The following ZNRF2 variants were observed in gnomAD, a reference collection of about 807,000 sequenced individuals.
ZNRF2 encodes E3 ubiquitin-protein ligase ZNRF2.
In ZNRF2, 16 loss-of-function variants were observed where a neutral mutation model predicts 20.4. The observed-to-expected ratio is 0.79, with a 90% confidence interval of 0.53 to 1.19. The LOEUF (loss-of-function observed/expected upper bound fraction) is 1.19. Among genes scored for constraint, ZNRF2 ranks in the 50% most tolerant of loss-of-function variants. The probability of loss-of-function intolerance (pLI) is 0.00; values close to 1 mark genes in which losing one functional copy is unlikely to be tolerated. For synonymous variants in ZNRF2, 178 were observed against 144.9 expected (o/e 1.23, Z -1.64); for missense variants, 363 against 332.4 (o/e 1.09, Z -0.72).
At chr7:30,316,092 CA>C (rs1799369438) in intron 1 of ZNRF2, among the ~76,000 whole-genome samples, 1 of 151,498 alleles carries the variant, frequency 6.6e-6, no homozygotes, top group African/African-American at 2.4e-5. Context: ...AGTTGGAGAC[CA>C]GCCTGACCAA....
chr7:30,355,784 C>G lies in ZNRF2; in HGVS notation c.622C>G (p.Gln208Glu), dbSNP rs745627656. 6.2e-7 allele frequency: 1 copy of G among 1,613,486 alleles called. No individual in the cohort carries two copies. Among genetic ancestry groups the G allele is most frequent in the South Asian group, 1.1e-5 (1 of 91,022 alleles). The change falls in exon 3 of 5, where the codon CAG becomes GAG. Residue 208 changes from glutamine to glutamate, a missense_variant. Gln to Glu is a conservative substitution (Grantham distance 29). Coordinates refer to ENST00000323037, the MANE Select transcript of ZNRF2 (RefSeq NM_147128.4). ...TGCAATATGCCTTGAAGAATTGCAGCAGGGAGATACTATAGCACGACTGCC... is the reference window on the plus strand; with the variant it reads ...TGCAATATGCCTTGAAGAATTGCAGGAGGGAGATACTATAGCACGACTGCC... ...ECAICLEELQ[Q>E]GDTIARLPCL...
Position 30,304,221 on chromosome 7 carries a change from C to T in ZNRF2, c.469+18395C>T, listed in dbSNP as rs1799164578. On this transcript the variant is annotated intron_variant, in intron 1 of 4. Coordinates refer to ENST00000323037, the MANE Select transcript of ZNRF2 (RefSeq NM_147128.4). ...AAGCAGCTATAGCTTCTTGCCAGCT[C>T]ATTCATGTTTTTTAAGATTAAAAAA... is the stretch of plus-strand genomic sequence containing the variant. Among the ~76,000 whole-genome samples, 6 of 152,108 alleles carry T rather than the reference C, an allele frequency of 3.9e-5. No individual in the cohort carries two copies. The South Asian group carries it at 1.2e-3, about 32-fold the overall frequency.
intron 1 of ZNRF2, among the ~76,000 whole-genome samples, chr7:30,298,058 T>C (rs1195088766): frequency 6.6e-6 from 1 of 152,108 alleles, no homozygotes; most frequent in Non-Finnish European, 1.5e-5. Flanking sequence ...AACTCTTTTG[T>C]CAATTTTTAT....
chr7:30,306,399 A>G (rs987834870), intron 1 of ZNRF2, among the ~76,000 whole-genome samples: 18 of 152,192 alleles, frequency 1.2e-4, no homozygotes, highest in African/African-American at 3.4e-4. Flanking sequence ...TAAGTAAAGC[A>G]TTACATAAAA....
chr7:30,308,768 T>A (rs1020450553), intron 1 of ZNRF2, among the ~76,000 whole-genome samples: 1 of 152,212 alleles, frequency 6.6e-6, no homozygotes, highest in African/African-American at 2.4e-5. Context: ...TTTATTTTTT[T>A]AAATTAGAAT....
intron 1 of ZNRF2, among the ~76,000 whole-genome samples, chr7:30,302,275 G>A (rs543277869): frequency 6.6e-6 from 1 of 152,174 alleles, no homozygotes; most frequent in East Asian, 1.9e-4. Context: ...TTGTATTTTC[G>A]CTGGCTTAAA....
intron 2 of ZNRF2, among the ~76,000 whole-genome samples, chr7:30,345,591 A>G (rs1228027414): frequency 6.6e-6 from 1 of 151,642 alleles, no homozygotes; most frequent in Non-Finnish European, 1.5e-5. Flanking sequence ...TTTCTGGATC[A>G]AGTTGCTTTC....
At chr7:30,312,965 T>G (rs1308838076) in intron 1 of ZNRF2, among the ~76,000 whole-genome samples, 1 of 152,212 alleles carries the variant, frequency 6.6e-6, no homozygotes, top group Admixed American at 6.5e-5. Context: ...AGGAGAGGAA[T>G]AATTTATATA....
At chr7:30,315,417 G>C (rs1799354280) in intron 1 of ZNRF2, among the ~76,000 whole-genome samples, 1 of 152,164 alleles carries the variant, frequency 6.6e-6, no homozygotes, top group African/African-American at 2.4e-5. Flanking sequence ...GTGGACTGCA[G>C]AGTGTAGTGA....
chr7:30,343,412 T>A (rs1318744804), intron 2 of ZNRF2, among the ~76,000 whole-genome samples: 1 of 152,208 alleles, frequency 6.6e-6, no homozygotes, highest in Non-Finnish European at 1.5e-5. Flanking sequence ...ATTCATCTTT[T>A]TTTAAATTCA....
chr7:30,323,341 T>TA lies in ZNRF2; in HGVS notation c.470-295dup, dbSNP rs201984786. ...ATGAAATCATGAGTACAGGTTAATG[T>TA]AAAAAATTAAAAACGAGAATACCTG... On this transcript the variant is annotated intron_variant, in intron 1 of 4. Transcript: ENST00000323037. Among the ~76,000 whole-genome samples the TA allele has an allele frequency of 6.6e-3, 1,009 of 152,282 alleles. 15 individuals carry two copies. The highest frequency in any genetic ancestry group is 0.023 in the African/African-American group (970 of 41,552).
At chr7:30,361,689 T>G (rs1800129371) in intron 3 of ZNRF2, among the ~76,000 whole-genome samples, 1 of 152,200 alleles carries the variant, frequency 6.6e-6, no homozygotes, top group Non-Finnish European at 1.5e-5. Flanking sequence ...GTGCTTGAAA[T>G]GTGGCTAGTG....
chr7:30,363,075 C>T (rs1800153606), intron 4 of ZNRF2, among the ~76,000 whole-genome samples: 1 of 152,030 alleles, frequency 6.6e-6, no homozygotes, highest in Non-Finnish European at 1.5e-5. Context: ...GAGCTGAGAT[C>T]GTGCCACTGC....
At chr7:30,327,151 T>C (rs1476076715) in intron 2 of ZNRF2, among the ~76,000 whole-genome samples, 4 of 152,222 alleles carry the variant, frequency 2.6e-5, no homozygotes, top group Non-Finnish European at 5.9e-5. Flanking sequence ...ATCCCATTTG[T>C]CAATTTTTGG....
In ZNRF2 at chr7:30,285,687, G is replaced by A. The variant is rs746492353; in HGVS notation, c.330G>A (p.Pro110=). 4 of 1,439,140 alleles carry A rather than the reference G, an allele frequency of 2.8e-6. No homozygotes were observed. The highest frequency in any genetic ancestry group is 1.3e-5 in the South Asian group (1 of 74,694). 89.1% of individuals were successfully genotyped at this position (1,439,140 alleles called of 1,614,324 possible). A position where few individuals can be genotyped will look rare whatever the true frequency, so the allele number is the denominator to read the frequency against. ...PFSIPNSSSG[P]YGSQDSVHSS... ...GCATCCCGAACAGCAGCAGCGGCCC[G>A]TACGGCTCGCAGGACTCGGTGCACA... Residue 110 remains proline, a synonymous_variant, in exon 1 of 5, where the codon CCG becomes CCA. Coordinates refer to ENST00000323037, the MANE Select transcript of ZNRF2 (RefSeq NM_147128.4).
At chr7:30,358,727 C>T (rs977757253) in intron 3 of ZNRF2, among the ~76,000 whole-genome samples, 8 of 152,168 alleles carry the variant, frequency 5.3e-5, no homozygotes, top group African/African-American at 1.9e-4. Context: ...GGAATGGAGT[C>T]CATAAACACT....
intron 3 of ZNRF2, among the ~76,000 whole-genome samples, chr7:30,361,462 G>A (rs1800125437): frequency 6.6e-6 from 1 of 152,096 alleles, no homozygotes; most frequent in Non-Finnish European, 1.5e-5. Context: ...TTGTAGCTTT[G>A]CGGCATATGC....
chr7:30,313,027 C>T (rs998116943), intron 1 of ZNRF2, among the ~76,000 whole-genome samples: 5 of 152,214 alleles, frequency 3.3e-5, no homozygotes, highest in South Asian at 4.1e-4. Flanking sequence ...GAACCTAAAA[C>T]GAAACACTTG....
intron 1 of ZNRF2, among the ~76,000 whole-genome samples, chr7:30,308,865 CTT>C (rs1452206177): frequency 6.6e-6 from 1 of 152,088 alleles, no homozygotes; most frequent in Non-Finnish European, 1.5e-5. Flanking sequence ...TTACTACAGA[CTT>C]TCTAAAAATA....
Sources: allele counts gnomAD v4.1 joint callset (sites outside exome capture counted in the v4.1 genomes callset), GRCh38; gene constraint gnomAD v4.1.1; transcripts MANE v1.5; gene names NCBI Gene and HGNC (gene_info 2026-07-23, HGNC 2026-07-21).